NPRL3: variants seen among roughly 807,000 people sequenced by gnomAD.
The protein encoded by NPRL3 is GATOR1 complex protein NPRL3.
A neutral mutation model predicts 57.2 loss-of-function variants in NPRL3; 23 were observed. That is an observed-to-expected ratio of 0.40 (90% CI 0.29 to 0.57). The LOEUF is 0.57. Among genes scored for constraint, NPRL3 ranks in the 20% least tolerant of loss-of-function variants. The probability of loss-of-function intolerance (pLI) is 0.42; values close to 1 mark genes in which losing one functional copy is unlikely to be tolerated. For missense variants in NPRL3, 691 were observed against 767.1 expected (o/e 0.90, Z 1.17); for synonymous variants, 333 against 321.1 (o/e 1.04, Z -0.39).
At chr16:93,606 CCAGGCTGGAGTG>C (rs1051709024) in intron 9 of NPRL3, among the ~76,000 whole-genome samples, 36 of 151,122 alleles carry the variant, frequency 2.4e-4, no homozygotes, top group Non-Finnish European at 2.9e-5. Flanking sequence ...GCTCTGTCGC[CCAGGCTGGAGTG>C]CAGTGGCACA....
intron 6 of NPRL3, among the ~76,000 whole-genome samples, chr16:111,624 G>T (rs1036407817): frequency 1.2e-4 from 18 of 151,426 alleles, no homozygotes; most frequent in Non-Finnish European, 2.4e-4. Flanking sequence ...TAATTTTTGG[G>T]TTTTTTTCGG....
intron 3 of NPRL3, among the ~76,000 whole-genome samples, chr16:120,877 G>A (rs968418735): frequency 1.3e-5 from 2 of 152,172 alleles, no homozygotes; most frequent in Non-Finnish European, 2.9e-5. Flanking sequence ...TGGTAATGTT[G>A]AAGGAGGGTT....
chr16:117,247 C>G (rs1900083643), intron 5 of NPRL3, 54 bp downstream of exon 5: 1 of 1,276,842 alleles, frequency 7.8e-7, no homozygotes, highest in African/African-American at 1.5e-5. Flanking sequence ...AAAAAAAGAG[C>G]TGCTTCTCCA....
chr16:101,961 G>T (rs1452507084), intron 7 of NPRL3, among the ~76,000 whole-genome samples: 1 of 152,174 alleles, frequency 6.6e-6, no homozygotes, highest in Non-Finnish European at 1.5e-5. Flanking sequence ...CCTGAGGAGG[G>T]GGGCTTGTGG....
chr16:93,380 C>T, intron 9 of NPRL3, 55 bp from the exon 10 acceptor site: 1 of 1,174,310 alleles, frequency 8.5e-7, no homozygotes, highest in Non-Finnish European at 1.2e-6. Flanking sequence ...CCACCGGGAG[C>T]TGTCAGCAGC....
At chr16:89,022 A>C in intron 12 of NPRL3, 132 bp from the exon 13 acceptor site, 2 of 786,620 alleles carry the variant, frequency 2.5e-6, no homozygotes, top group Non-Finnish European at 4.1e-6. Flanking sequence ...TCTGCCTGCA[A>C]GCATTCGCTG....
intron 3 of NPRL3, chr16:123,628 T>A: frequency 4.4e-6 from 2 of 459,456 alleles, no homozygotes; most frequent in South Asian, 3.1e-5. Flanking sequence ...GGCTATTTTA[T>A]AAAAACTGCA....
chr16:118,907 C>A (rs910596914), intron 4 of NPRL3, among the ~76,000 whole-genome samples: 11 of 151,820 alleles, frequency 7.2e-5, no homozygotes, highest in Non-Finnish European at 1.3e-4. Flanking sequence ...GGAGCCACAC[C>A]TTCCCAGAGG....
At chr16:133,190 C>T (rs540549119) in intron 2 of NPRL3, among the ~76,000 whole-genome samples, 114 of 152,284 alleles carry the variant, frequency 7.5e-4, no homozygotes, top group African/African-American at 2.7e-3. Flanking sequence ...CAGCAACAAA[C>T]AAAGCTATTT....
intron 11 of NPRL3, among the ~76,000 whole-genome samples, chr16:91,444 T>C (rs554557752): frequency 3.3e-5 from 5 of 152,332 alleles, no homozygotes; most frequent in African/African-American, 1.2e-4. Context: ...CTGGCTGACC[T>C]AGGCCCCTTG....
chr16:95,401 A>G (rs1257064431), intron 9 of NPRL3, among the ~76,000 whole-genome samples: 1 of 150,522 alleles, frequency 6.6e-6, no homozygotes, highest in East Asian at 1.9e-4. Context: ...ATGTATATAT[A>G]CAGATAAAAA....
chr16:87,697 G>A (rs966264983), intron 13 of NPRL3, among the ~76,000 whole-genome samples: 11 of 151,758 alleles, frequency 7.2e-5, no homozygotes, highest in African/African-American at 2.7e-4. Flanking sequence ...AGCCTCCCCA[G>A]TAGCTGGGAC....
At chr16:92,522 A>G in intron 11 of NPRL3, 74 bp downstream of exon 11, 2 of 1,541,978 alleles carry the variant, frequency 1.3e-6, no homozygotes, top group Non-Finnish European at 1.8e-6. Flanking sequence ...TCAGATCAGA[A>G]CCAACAGCCA....
chr16:103,524 A>G (rs1190744994), intron 7 of NPRL3, among the ~76,000 whole-genome samples: 1 of 151,816 alleles, frequency 6.6e-6, no homozygotes, highest in African/African-American at 2.4e-5. Context: ...GGAGGCTCCT[A>G]TTGTTTCAAA....
chr16:112,358 G>A (rs1899854357), intron 6 of NPRL3, among the ~76,000 whole-genome samples: 1 of 152,214 alleles, frequency 6.6e-6, no homozygotes. Context: ...TAACTTCTCT[G>A]AGCCTTAGTT....
At chr16:134,000 C>A (rs1455076973) in intron 2 of NPRL3, among the ~76,000 whole-genome samples, 2 of 151,848 alleles carry the variant, frequency 1.3e-5, no homozygotes, top group African/African-American at 2.4e-5. Context: ...TTCTTGGTAC[C>A]CCAAAACAAT....
At chr16:116,076 A>G (rs761338357) in intron 5 of NPRL3, among the ~76,000 whole-genome samples, 12 of 152,222 alleles carry the variant, frequency 7.9e-5, no homozygotes, top group Non-Finnish European at 1.5e-4. Flanking sequence ...AGGGCATCAT[A>G]TGCTATGCTG....
chr16:127,537 A>G lies in NPRL3; in HGVS notation c.188+2985T>C, dbSNP rs1290484417. ...GGCATGAGCTACCGCTCCCGGCCCC[A>G]AAAGAACTTTCTACTGTGATGGGAA... On this transcript the variant is annotated intron_variant, in intron 3 of 13. Coordinates refer to ENST00000611875, the MANE Select transcript of NPRL3 (RefSeq NM_001077350.3). Among the ~76,000 whole-genome samples, 2 of 152,280 alleles carry G rather than the reference A, an allele frequency of 1.3e-5. 1 individual carries two copies. The highest frequency in any genetic ancestry group is 1.3e-4 in the Admixed American group (2 of 15,300).
chr16:107,518 C>A (rs1177191767), intron 7 of NPRL3, among the ~76,000 whole-genome samples: 1 of 150,048 alleles, frequency 6.7e-6, no homozygotes, highest in African/African-American at 2.5e-5. Context: ...GTGATGTGCA[C>A]CTGTAGTCCC....
Sources: gnomAD v4.1 joint callset for allele counts (sites outside exome capture counted in the v4.1 genomes callset) on GRCh38, gnomAD v4.1.1 for gene constraint, MANE v1.5 for transcripts, NCBI Gene and HGNC (gene_info 2026-07-23, HGNC 2026-07-21) for gene names.